The following TNNT2 variants were observed in gnomAD, a reference collection of about 807,000 sequenced individuals.
TNNT2 encodes the protein troponin T2, cardiac type.
TNNT2 carries 34 observed loss-of-function variants against 62.4 expected under a neutral mutation model. The observed-to-expected ratio is 0.54, with a 90% CI of 0.41 to 0.72. TNNT2 has a LOEUF of 0.72. Ranked by LOEUF, TNNT2 falls within the 30% of genes least tolerant of loss-of-function variation. The pLI, the probability that TNNT2 is intolerant of heterozygous loss-of-function variation, is 0.00. For synonymous variants in TNNT2, 123 were observed against 127.2 expected (o/e 0.97, Z 0.22); for missense variants, 275 against 381.9 (o/e 0.72, Z 2.33).
Position 201,361,362 on chromosome 1 carries a change from C to A in TNNT2, c.727G>T (p.Ala243Ser), listed in dbSNP as rs1658594625. The change falls in exon 15 of 17, where the codon GCC (alanine) becomes TCC (serine). Residue 243 changes from alanine (A) to serine (S), a missense_variant. By Grantham distance (99) the Ala-to-Ser change is moderately conservative. Transcript: ENST00000656932. Reference protein sequence around the residue: ...HLNEDQLREKAKELWQSIYNL... With the variant: ...HLNEDQLREKSKELWQSIYNL... ...TAGATGCTCTGCCACAGCTCCTTGG[C>A]CTTCTCCCTGCACGGGCAAGGGTGA... 6.2e-7 allele frequency: 1 copy of A among 1,614,020 alleles called. No homozygotes were observed. Among genetic ancestry groups the A allele is most frequent in the Admixed American group, 1.7e-5 (1 of 60,000 alleles).
At chr1:201,372,913 G>A (rs1401156362) in intron 2 of TNNT2, among the ~76,000 whole-genome samples, 1 of 152,144 alleles carries the variant, frequency 6.6e-6, no homozygotes, top group African/African-American at 2.4e-5. Flanking sequence ...GTCAGTTTCA[G>A]GAGACCCAAC....
At chr1:201,364,517 A>G (rs1347306150) in intron 10 of TNNT2, 142 bp from the exon 11 acceptor site, 9 of 867,404 alleles carry the variant, frequency 1.0e-5, no homozygotes, top group Middle Eastern at 2.2e-4. Flanking sequence ...CCGGCCTCCA[A>G]GGGCCTCCAC....
At chr1:201,376,514 G>A (rs1330846468) in intron 1 of TNNT2, among the ~76,000 whole-genome samples, 1 of 152,172 alleles carries the variant, frequency 6.6e-6, no homozygotes, top group Admixed American at 6.5e-5. Flanking sequence ...GATGGGGAGA[G>A]GGCAGGAAGA....
intron 1 of TNNT2, among the ~76,000 whole-genome samples, chr1:201,376,676 A>G (rs773897506): frequency 1.3e-5 from 2 of 152,154 alleles, no homozygotes; most frequent in African/African-American, 4.8e-5. Context: ...CAGGCCAGGA[A>G]TGTGCTCTGA....
At chr1:201,372,069 A>C in intron 3 of TNNT2, 28 bp from the exon 4 acceptor site, 1 of 1,613,606 alleles carries the variant, frequency 6.2e-7, no homozygotes, top group Non-Finnish European at 8.5e-7. Context: ...CCAGGCAGCA[A>C]GAGAAGAGAG....
chr1:201,368,190 C>T lies in TNNT2; in HGVS notation c.135G>A (p.Glu45=), dbSNP rs756174289. The T allele has an allele frequency of 4.3e-6, 7 of 1,614,044 alleles. No homozygotes were observed. In the Admixed American group the frequency reaches 1.2e-4, roughly 27 times the overall value. Residue 45 remains glutamate (E), a synonymous_variant, in exon 6 of 17, where the codon GAG becomes GAA. Transcript: ENST00000656932. The part of the protein sequence containing the change: ...EEAAEEDAEA[E]AETEETRAEE... ...CTGCCCTGGTCTCCTCGGTCTCAGC[C>T]TCTGCTTCAGCATCCTCTTCCGCTG...
chr1:201,367,384 A>T (rs1472591234), intron 7 of TNNT2: 1 of 409,704 alleles, frequency 2.4e-6, no homozygotes, highest in East Asian at 5.3e-5. Flanking sequence ...CAGCATGACG[A>T]TGACTGCAGC....
chr1:201,369,966 T>G (rs977241636), intron 4 of TNNT2, 121 bp from the exon 5 acceptor site: 1 of 1,102,022 alleles, frequency 9.1e-7, no homozygotes, highest in Non-Finnish European at 1.4e-6. Context: ...GGCTTTGGAG[T>G]TAGGCCGGCA....
chr1:201,375,233 C>T (rs73076673), intron 1 of TNNT2: 11,913 of 152,400 alleles, frequency 0.078, 926 homozygotes, highest in African/African-American at 0.2. Flanking sequence ...GCTGCCCCTC[C>T]AGGTGGAGGC....
At chr1:201,363,122 C>T (rs948383157) in intron 12 of TNNT2, 174 bp downstream of exon 12, 99 of 985,306 alleles carry the variant, frequency 1.0e-4, no homozygotes, top group Non-Finnish European at 1.1e-4. Flanking sequence ...GTGCAAGCCG[C>T]GGTCAGGCTG....
At chr1:201,367,511 T>G in intron 7 of TNNT2, 1 of 591,062 alleles carries the variant, frequency 1.7e-6, no homozygotes. Context: ...CTGGGTCCCA[T>G]TGCTCTGTCC....
chr1:201,370,625 C>T (rs1416598651), intron 4 of TNNT2, among the ~76,000 whole-genome samples: 3 of 152,250 alleles, frequency 2.0e-5, no homozygotes, highest in Non-Finnish European at 2.9e-5. Flanking sequence ...TCATTTGCAG[C>T]CAGATCCTCA....
Position 201,367,812 on chromosome 1 carries a change from T to C in TNNT2, c.164-6A>G. 1.2e-6 allele frequency: 2 copies of C among 1,614,116 alleles called. No individual in the cohort carries two copies. The highest frequency in any genetic ancestry group is 1.7e-6 in the Non-Finnish European group (2 of 1,180,020). On this transcript the variant is annotated splice_polypyrimidine_tract_variant and splice_region_variant and intron_variant, in intron 6 of 16. Transcript: ENST00000656932. The stretch of plus-strand genomic sequence containing the variant: ...TTCCTCTTCTTCTTCATCTTCTAAA[T>C]GAAACACGAGAAATCAATCAAGGTC...
chr1:201,364,110 C>A, intron 11 of TNNT2, 188 bp downstream of exon 11: 1 of 616,714 alleles, frequency 1.6e-6, no homozygotes, highest in Admixed American at 2.7e-5. Flanking sequence ...TCTCGAACTC[C>A]CAACCTCAAG....
chr1:201,377,562 C>A (rs1468604097), intron 1 of TNNT2, 61 bp downstream of exon 1: 1 of 456,288 alleles, frequency 2.2e-6, no homozygotes, highest in Non-Finnish European at 4.4e-6. Context: ...GGCCCAAGAC[C>A]CTCACATCTC....
At chr1:201,359,864 A>T (rs1334118919) in intron 15 of TNNT2, among the ~76,000 whole-genome samples, 1 of 152,176 alleles carries the variant, frequency 6.6e-6, no homozygotes, top group Non-Finnish European at 1.5e-5. Context: ...AGAAGCTTCC[A>T]GGATGCCTCA....
At chr1:201,372,084 G>T (rs1558248371) in intron 3 of TNNT2, 43 bp from the exon 4 acceptor site, 1 of 1,614,108 alleles carries the variant, frequency 6.2e-7, no homozygotes, top group Non-Finnish European at 8.5e-7. Flanking sequence ...AGAGAGAAGA[G>T]GTGGGTCAGT....
At chr1:201,362,480 G>C in intron 12 of TNNT2, 86 bp from the exon 13 acceptor site, 1 of 1,516,492 alleles carries the variant, frequency 6.6e-7, no homozygotes, top group Non-Finnish European at 9.1e-7. Flanking sequence ...GAAGACAAAG[G>C]CAAGGAGAGA....
rs1158228294 is a variant in TNNT2 at position 201,368,193 on chromosome 1, T to C, written c.132A>G (p.Ala44=). 1 of 1,614,124 alleles carries C rather than the reference T, an allele frequency of 6.2e-7. No homozygotes were observed. The highest frequency in any genetic ancestry group is 8.5e-7 in the Non-Finnish European group (1 of 1,180,006). ...QEEAAEEDAE[A]EAETEETRAE... is the part of the protein sequence containing the mutation. ...CCCTGGTCTCCTCGGTCTCAGCCTC[T>C]GCTTCAGCATCCTCTTCCGCTGCCT... The change falls in exon 6 of 17, where the codon GCA becomes GCG. Residue 44 remains alanine (A), a synonymous_variant. Transcript: ENST00000656932.
Sources: gnomAD v4.1 joint callset for allele counts (sites outside exome capture counted in the v4.1 genomes callset) on GRCh38, gnomAD v4.1.1 for gene constraint, MANE v1.5 for transcripts, NCBI Gene and HGNC (gene_info 2026-07-23, HGNC 2026-07-21) for gene names.